Variants in C11orf65 observed in about 807,000 individuals in gnomAD.
The protein encoded by C11orf65 is chromosome 11 open reading frame 65, also known as protein MFI.
C11orf65 carries 38 observed loss-of-function variants against 35.3 expected under a neutral mutation model. The ratio of observed to expected loss-of-function variants is 1.08; its 90% CI spans 0.83 to 1.41. C11orf65 has a LOEUF of 1.41. Ranked by LOEUF, C11orf65 falls within the 40% of genes most tolerant of loss-of-function variation. The pLI is 0.00. For synonymous variants in C11orf65, 105 were observed against 114.4 expected, an observed-to-expected ratio of 0.92 and a Z score of 0.53; for missense variants, 370 against 367.1, an observed-to-expected ratio of 1.01 and a Z score of -0.06.
chr11:108,460,280 C>A (rs1392851519), intron 2 of C11orf65, among the ~76,000 whole-genome samples: 1 of 152,094 alleles, frequency 6.6e-6, no homozygotes, highest in Non-Finnish European at 1.5e-5. Context: ...GAAACAGAGC[C>A]ATATTACTTC....
downstream of C11orf65, chr11:108,329,220 A>G (rs786202856): frequency 1.9e-6 from 3 of 1,613,452 alleles, no homozygotes; most frequent in Non-Finnish European, 2.5e-6. Flanking sequence ...CTTAGGGAAC[A>G]TAAAATTCAG....
chr11:108,454,654 C>T (rs923975866), intron 2 of C11orf65, among the ~76,000 whole-genome samples: 1 of 152,034 alleles, frequency 6.6e-6, no homozygotes, highest in South Asian at 2.1e-4. Flanking sequence ...GAGATGTAGT[C>T]TCACTATGCT....
At chr11:108,423,682 G>A (rs893423856) in intron 3 of C11orf65, among the ~76,000 whole-genome samples, 3 of 152,138 alleles carry the variant, frequency 2.0e-5, no homozygotes, top group African/African-American at 7.2e-5. Flanking sequence ...TCTGGCAGGT[G>A]CCCCTCTGGG....
At chr11:108,417,967 TA>T (rs11342803) in intron 3 of C11orf65, among the ~76,000 whole-genome samples, 143,388 of 147,734 alleles carry the variant, frequency 0.97, 69,678 homozygotes, top group East Asian at 1. Context: ...TCTGATTTGT[TA>T]AAAAAAAAAA....
At chr11:108,369,899 A>G (rs1216412714) in intron 2 of C11orf65, among the ~76,000 whole-genome samples, 1 of 152,158 alleles carries the variant, frequency 6.6e-6, no homozygotes, top group Non-Finnish European at 1.5e-5. Context: ...GTTAGTCAGT[A>G]TGATTTTCTC....
intron 6 of C11orf65, among the ~76,000 whole-genome samples, chr11:108,314,265 C>T (rs2084416765): frequency 6.6e-6 from 1 of 151,880 alleles, no homozygotes; most frequent in African/African-American, 2.4e-5. Flanking sequence ...ACAGGCATGC[C>T]CCACCATCTC....
intron 3 of C11orf65, among the ~76,000 whole-genome samples, chr11:108,410,051 C>A (rs2138718798): frequency 6.6e-6 from 1 of 152,264 alleles, no homozygotes; most frequent in East Asian, 1.9e-4. Context: ...GATATTTTCA[C>A]CTTACAATGA....
chr11:108,336,792 T>C (rs941768156), intron 2 of C11orf65, among the ~76,000 whole-genome samples: 1 of 152,236 alleles, frequency 6.6e-6, no homozygotes, highest in Non-Finnish European at 1.5e-5. Context: ...GCTATTTGCC[T>C]GAGAAGACAA....
Position 108,311,472 on chromosome 11 carries a change from G to A in C11orf65, c.641-2401C>T, listed in dbSNP as rs572707053. 1.5e-4 allele frequency among the ~76,000 whole-genome samples: 23 copies of A among 152,244 alleles called. No homozygotes were observed. The East Asian group carries it at 4.1e-3, about 27-fold the overall frequency. On this transcript the variant is annotated intron_variant, in intron 6 of 6. Coordinates refer to the C11orf65 transcript ENST00000525729. ...GCACTTTGGGAGGCCAAAGTGAGAG[G>A]ATTACTTGTGACCAGGAGACTGAGA... is the stretch of plus-strand genomic sequence containing the variant.
At chr11:108,443,524 T>C (rs1279449050) in intron 2 of C11orf65, among the ~76,000 whole-genome samples, 1 of 152,110 alleles carries the variant, frequency 6.6e-6, no homozygotes, top group Non-Finnish European at 1.5e-5. Flanking sequence ...GAATATACAT[T>C]TTTACAGCAT....
intron 2 of C11orf65, among the ~76,000 whole-genome samples, chr11:108,375,750 G>C (rs1016965836): frequency 6.6e-6 from 1 of 151,962 alleles, no homozygotes; most frequent in Non-Finnish European, 1.5e-5. Flanking sequence ...CATCTCACGT[G>C]CAGAGACACA....
chr11:108,360,272 A>G (rs1317183236), intron 2 of C11orf65, among the ~76,000 whole-genome samples: 1 of 105,702 alleles, frequency 9.5e-6, no homozygotes, highest in African/African-American at 2.9e-5. Flanking sequence ...TGAATAGACC[A>G]GTAACAGGAG....
At chr11:108,372,025 T>C (rs1050380527) in intron 2 of C11orf65, among the ~76,000 whole-genome samples, 2 of 152,228 alleles carry the variant, frequency 1.3e-5, no homozygotes, top group South Asian at 2.1e-4. Flanking sequence ...TGTCCTTCAA[T>C]TGACGGTTTC....
At chr11:108,447,302 C>T (rs1272819200) in intron 2 of C11orf65, among the ~76,000 whole-genome samples, 2 of 152,072 alleles carry the variant, frequency 1.3e-5, no homozygotes, top group Admixed American at 1.3e-4. Flanking sequence ...ATCTACAGAA[C>T]TCTCCACCCC....
intron 2 of C11orf65, among the ~76,000 whole-genome samples, chr11:108,436,248 G>GC (rs2093058911): frequency 6.6e-6 from 1 of 152,144 alleles, no homozygotes; most frequent in African/African-American, 2.4e-5. Context: ...CTTGATTTTA[G>GC]CCCAGTGAAG....
chr11:108,341,253 A>G (rs1266196447), intron 2 of C11orf65, among the ~76,000 whole-genome samples: 1 of 152,034 alleles, frequency 6.6e-6, no homozygotes, highest in Non-Finnish European at 1.5e-5. Context: ...CTTTTCCCTC[A>G]GATCTTCACA....
At chr11:108,372,003 A>G (rs936006925) in intron 2 of C11orf65, among the ~76,000 whole-genome samples, 3 of 152,232 alleles carry the variant, frequency 2.0e-5, no homozygotes, top group African/African-American at 7.2e-5. Flanking sequence ...TCTAAGTTTT[A>G]GAAACAAAAA....
intron 2 of C11orf65, among the ~76,000 whole-genome samples, chr11:108,377,226 C>T (rs2138185479): frequency 6.6e-6 from 1 of 152,156 alleles, no homozygotes; most frequent in East Asian, 1.9e-4. Context: ...ATGCAAAAAT[C>T]CTCAATAAAA....
rs549775976 is a variant in C11orf65 at position 108,422,414 on chromosome 11, T to C, written c.174+9332A>G. On this transcript the variant is annotated intron_variant, in intron 3 of 8. Coordinates refer to ENST00000393084, the MANE Select transcript of C11orf65 (RefSeq NM_152587.5). ...TCTTCTCTACCATTTAATAGGACTG[T>C]TATAAAGCTGTAATAGTTACGACAA... Among the ~76,000 whole-genome samples, 31 of 152,330 alleles carry C rather than the reference T, an allele frequency of 2.0e-4. No homozygotes were observed. In the South Asian group the frequency reaches 6.4e-3, roughly 32 times the overall value.
Sources: gnomAD v4.1 joint callset for allele counts (sites outside exome capture counted in the v4.1 genomes callset) on GRCh38, gnomAD v4.1.1 for gene constraint, MANE v1.5 for transcripts, NCBI Gene and HGNC (gene_info 2026-07-23, HGNC 2026-07-21) for gene names.